MARCHF1: variants seen among roughly 807,000 people sequenced by gnomAD.
The protein encoded by MARCHF1 is membrane associated ring-CH-type finger 1, also known as E3 ubiquitin-protein ligase MARCHF1.
MARCHF1 carries 40 observed loss-of-function variants against 54.2 expected under a neutral mutation model. The ratio of observed to expected loss-of-function variants is 0.74; its 90% confidence interval spans 0.57 to 0.96. The LOEUF (loss-of-function observed/expected upper bound fraction) is 0.96. MARCHF1 is among the 40% of genes least tolerant of loss of function. The pLI is 0.00. For synonymous variants in MARCHF1, 236 were observed against 236.3 expected, an observed-to-expected ratio of 1.00 and a Z score of 0.01; for missense variants, 586 against 656.5, an observed-to-expected ratio of 0.89 and a Z score of 1.17.
chr4:163,879,953 AG>A (rs1750378992), intron 3 of MARCHF1, among the ~76,000 whole-genome samples: 1 of 152,096 alleles, frequency 6.6e-6, no homozygotes, highest in African/African-American at 2.4e-5. Flanking sequence ...ATGATACCTA[AG>A]GTAACATCTA....
rs540111432 is a variant in MARCHF1 at position 163,882,444 on chromosome 4, TC to T, written c.-38-28276del. Among the ~76,000 whole-genome samples, 5 of 152,266 alleles carry T rather than the reference TC, an allele frequency of 3.3e-5. No homozygotes were observed. In the South Asian group the frequency reaches 1.0e-3, roughly 32 times the overall value. Reference sequence around the variant, plus strand: ...TTCAGGCAAAGGTGTACTACTTGAGTCAGGTAGGCAGCTATGATATTAGGAG... The same window carrying T: ...TTCAGGCAAAGGTGTACTACTTGAGTAGGTAGGCAGCTATGATATTAGGAG... On this transcript the variant is annotated intron_variant, in intron 3 of 9. Transcript: ENST00000514618.
At chr4:163,886,350 TATAG>T (rs900092523) in intron 3 of MARCHF1, among the ~76,000 whole-genome samples, 5 of 142,810 alleles carry the variant, frequency 3.5e-5, no homozygotes, top group African/African-American at 5.1e-5. Context: ...GATAGATAGA[TATAG>T]ATAGATAGAT....
At chr4:163,556,279 G>T (rs535147088) in intron 8 of MARCHF1, among the ~76,000 whole-genome samples, 2 of 152,272 alleles carry the variant, frequency 1.3e-5, no homozygotes, top group South Asian at 4.1e-4. Flanking sequence ...ATCAATAAGA[G>T]ATAATAGGTT....
At chr4:164,120,365 A>G (rs1362697539) in intron 1 of MARCHF1, among the ~76,000 whole-genome samples, 2 of 152,004 alleles carry the variant, frequency 1.3e-5, no homozygotes, top group African/African-American at 4.8e-5. Flanking sequence ...AGAGAGAGAT[A>G]GGGCCCAATA....
chr4:163,796,675 TC>T (rs1312384437), intron 4 of MARCHF1, among the ~76,000 whole-genome samples: 2 of 152,284 alleles, frequency 1.3e-5, no homozygotes, highest in African/African-American at 4.8e-5. Context: ...TTTGGACTTC[TC>T]CCCATCATTG....
At chr4:163,586,563 T>C (rs1740420428) in intron 7 of MARCHF1, among the ~76,000 whole-genome samples, 1 of 152,196 alleles carries the variant, frequency 6.6e-6, no homozygotes, top group Non-Finnish European at 1.5e-5. Context: ...AATCATGTAA[T>C]AAGTTGTGCC....
At chr4:163,926,438 G>A (rs1050065009) in intron 3 of MARCHF1, among the ~76,000 whole-genome samples, 1 of 151,430 alleles carries the variant, frequency 6.6e-6, no homozygotes, top group Non-Finnish European at 1.5e-5. Context: ...TAATATTGCT[G>A]CTAGGAAGAT....
intron 2 of MARCHF1, among the ~76,000 whole-genome samples, chr4:164,021,258 C>A (rs1579466824): frequency 6.6e-6 from 1 of 152,210 alleles, no homozygotes; most frequent in East Asian, 1.9e-4. Flanking sequence ...CTACTTTCCT[C>A]ATCAAATGAA....
At position 164,290,836 on chromosome 4, in the gene MARCHF1, G is replaced by A. The variant is rs371532911; in HGVS notation, c.-323+93034C>T. Among the ~76,000 whole-genome samples, 6 of 151,956 alleles carry A rather than the reference G, an allele frequency of 3.9e-5. No homozygotes were observed. In the East Asian group the frequency reaches 1.2e-3, roughly 29 times the overall value. ...GGAAAGATCATGAAAAACTATCCTT[G>A]AAATCTATTTGTGTTTAACTTCTAG... On this transcript the variant is annotated intron_variant, in intron 1 of 9. Coordinates refer to ENST00000514618, the MANE Select transcript of MARCHF1 (RefSeq NM_001394959.1).
At chr4:163,864,310 A>T (rs1750004699) in intron 3 of MARCHF1, among the ~76,000 whole-genome samples, 1 of 151,916 alleles carries the variant, frequency 6.6e-6, no homozygotes, top group Non-Finnish European at 1.5e-5. Flanking sequence ...ACATAACTCC[A>T]GTCTAATCAT....
At chr4:163,731,266 A>G (rs1351694852) in intron 4 of MARCHF1, among the ~76,000 whole-genome samples, 1 of 152,206 alleles carries the variant, frequency 6.6e-6, no homozygotes, top group East Asian at 1.9e-4. Context: ...GCAACATTGC[A>G]TGGTCAGCAT....
chr4:163,661,324 T>C (rs1743336306), intron 5 of MARCHF1, among the ~76,000 whole-genome samples: 1 of 152,004 alleles, frequency 6.6e-6, no homozygotes, highest in Non-Finnish European at 1.5e-5. Flanking sequence ...AGAAAATCTA[T>C]TAATTTTATT....
At chr4:164,071,360 G>A (rs1754860323) in intron 2 of MARCHF1, among the ~76,000 whole-genome samples, 1 of 151,934 alleles carries the variant, frequency 6.6e-6, no homozygotes, top group South Asian at 2.1e-4. Flanking sequence ...TGAGTTTTTT[G>A]CATGGATTAT....
chr4:163,753,896 G>A (rs1746593898), intron 4 of MARCHF1, among the ~76,000 whole-genome samples: 1 of 152,160 alleles, frequency 6.6e-6, no homozygotes. Flanking sequence ...AGCGGCAGAA[G>A]AGCAGACATC....
intron 5 of MARCHF1, among the ~76,000 whole-genome samples, chr4:163,624,366 T>C (rs1000387907): frequency 1.3e-5 from 2 of 152,186 alleles, no homozygotes; most frequent in Non-Finnish European, 2.9e-5. Context: ...CTTGGAGAGC[T>C]TCTTTACATT....
intron 3 of MARCHF1, among the ~76,000 whole-genome samples, chr4:163,884,254 T>A (rs1442624498): frequency 1.3e-5 from 2 of 152,078 alleles, no homozygotes; most frequent in Non-Finnish European, 2.9e-5. Flanking sequence ...AAATTCCTGT[T>A]AAATTTTTTT....
intron 1 of MARCHF1, among the ~76,000 whole-genome samples, chr4:164,251,424 A>G (rs760644300): frequency 1.3e-5 from 2 of 152,148 alleles, no homozygotes; most frequent in African/African-American, 2.4e-5. Context: ...AATGTTTGCC[A>G]TGGCAGCCTT....
At chr4:163,689,637 A>T (rs1339200909) in intron 5 of MARCHF1, among the ~76,000 whole-genome samples, 4 of 151,918 alleles carry the variant, frequency 2.6e-5, no homozygotes, top group Non-Finnish European at 5.9e-5. Context: ...TTGTTACTGT[A>T]AATTCACCTG....
chr4:164,109,114 C>G (rs546689878), intron 2 of MARCHF1, among the ~76,000 whole-genome samples: 3 of 152,160 alleles, frequency 2.0e-5, no homozygotes, highest in South Asian at 2.1e-4. Context: ...TTACTCTCTC[C>G]TCTGTATGGT....
Sources: gnomAD v4.1 joint callset for allele counts (sites outside exome capture counted in the v4.1 genomes callset) on GRCh38, gnomAD v4.1.1 for gene constraint, MANE v1.5 for transcripts, NCBI Gene and HGNC (gene_info 2026-07-23, HGNC 2026-07-21) for gene names.